KLHL42: variants seen among roughly 807,000 people sequenced by gnomAD.
KLHL42 encodes the protein kelch-like protein 42.
KLHL42 carries 27 observed loss-of-function variants against 32.7 expected under a neutral mutation model. The observed-to-expected ratio is 0.83, with a 90% CI of 0.61 to 1.14. KLHL42 has a LOEUF of 1.14. Ranked by LOEUF, KLHL42 falls within the 50% of genes most tolerant of loss-of-function variation. The probability of loss-of-function intolerance (pLI) is 0.00; values close to 1 mark genes in which losing one functional copy is unlikely to be tolerated. For missense variants in KLHL42, 491 were observed against 560.8 expected, an observed-to-expected ratio of 0.88 and a Z score of 1.26; for synonymous variants, 267 against 248.2, an observed-to-expected ratio of 1.08 and a Z score of -0.71.
chr12:27,794,259 A>G (rs2062209718), intron 2 of KLHL42, among the ~76,000 whole-genome samples: 1 of 152,128 alleles, frequency 6.6e-6, no homozygotes, highest in African/African-American at 2.4e-5. Flanking sequence ...TGAGGGCTCT[A>G]GGGGAGGAGT....
chr12:27,799,981 A>G lies in KLHL42; in HGVS notation c.*1815A>G. On this transcript the variant is annotated 3_prime_UTR_variant, in exon 3 of 3. Coordinates refer to ENST00000381271, the MANE Select transcript of KLHL42 (RefSeq NM_020782.2). ...ATAGTACTTAATAGATTTTAATGTT[A>G]ATTTATATTCATTGTAGAATTGAAT... 1.1e-6 allele frequency: 1 copy of G among 888,306 alleles called. No individual in the cohort carries two copies. Among genetic ancestry groups the G allele is most frequent in the South Asian group, 5.2e-5 (1 of 19,216 alleles). The allele number at this position is 888,306 out of a possible 1,614,324, so 55.0% of individuals were successfully genotyped here.
chr12:27,780,666 G>T lies in KLHL42; in HGVS notation c.336G>T (p.Leu112=). ...AGCTGGTGGAGGCGGCCTCCTTCCT[G>T]CAGGTCACGTCCCTGCTGCAGCTGC... The part of the protein sequence containing the change: ...LSELVEAASF[L]QVTSLLQLLL... Residue 112 remains leucine (L), a synonymous_variant, in exon 1 of 3, where the codon CTG becomes CTT. Transcript: ENST00000381271. This position sits in a 1 kb window ranked among gnomAD's most constrained non-coding sequence, Gnocchi z 8.8. The T allele has an allele frequency of 6.3e-7, 1 of 1,590,500 alleles. No homozygotes were observed. The highest frequency in any genetic ancestry group is 8.6e-7 in the Non-Finnish European group (1 of 1,166,432).
rs371189819 is a variant in KLHL42, at chr12:27,781,169, A to G, written c.839A>G (p.Glu280Gly). ...CATTCCTACAACCCCAGCACCAACG[A>G]GTGGCTCCAGGTGGCCTCCATGAAC... Reference protein sequence around the residue: ...AAHSYNPSTNEWLQVASMNQK... With the variant: ...AAHSYNPSTNGWLQVASMNQK... The change falls in exon 1 of 3, where the codon GAG becomes GGG. Residue 280 changes from glutamate (E) to glycine (G), a missense_variant. By Grantham distance (98) the Glu-to-Gly change is moderately conservative. Around this residue, in one of 4 missense-constraint regions of KLHL42, gnomAD observed 248 missense variants for 329.2 expected, o/e 0.75. Coordinates refer to ENST00000381271, the MANE Select transcript of KLHL42 (RefSeq NM_020782.2). 17 of 1,613,864 alleles carry G rather than the reference A, an allele frequency of 1.1e-5. No homozygotes were observed. The highest frequency in any genetic ancestry group is 1.4e-5 in the Non-Finnish European group (16 of 1,180,038).
chr12:27,786,599 G>C (rs1591814507), intron 1 of KLHL42, among the ~76,000 whole-genome samples: 1 of 152,086 alleles, frequency 6.6e-6, no homozygotes, highest in Non-Finnish European at 1.5e-5. Flanking sequence ...AGACTGCTTT[G>C]GGATGTATCA....
rs1420082959 is a variant in KLHL42, at chr12:27,781,055, A to G, written c.725A>G (p.Asn242Ser). ...AACAACCTTCCTCCCGACCTGGTCA[A>G]TGTCAGGGGCTATGGGTCTGCCATC... Reference protein sequence around the residue: ...LANNLPPDLVNVRGYGSAILD... With the variant: ...LANNLPPDLVSVRGYGSAILD... The change falls in exon 1 of 3, where the codon AAT (asparagine) becomes AGT (serine). Residue 242 changes from asparagine (N) to serine (S), a missense_variant. By Grantham distance (46) the Asn-to-Ser change is conservative. Coordinates refer to ENST00000381271, the MANE Select transcript of KLHL42 (RefSeq NM_020782.2). 1 of 1,614,052 alleles carries G rather than the reference A, an allele frequency of 6.2e-7. No homozygotes were observed.
At chr12:27,791,254 T>C (rs1213791713) in intron 1 of KLHL42, among the ~76,000 whole-genome samples, 1 of 152,140 alleles carries the variant, frequency 6.6e-6, no homozygotes, top group African/African-American at 2.4e-5. Context: ...CGCACCTGCC[T>C]GTCTCGACAG....
In KLHL42 at chr12:27,780,449, A is replaced by G; in HGVS notation, c.119A>G (p.Glu40Gly). The change falls in exon 1 of 3, where the codon GAG becomes GGG. Residue 40 changes from glutamate to glycine, a missense_variant. Transcript: ENST00000381271. This position sits in a 1 kb window ranked among gnomAD's most constrained non-coding sequence, Gnocchi z 8.8. The stretch of plus-strand genomic sequence containing the variant: ...GCCCTCTACCGCTCCGGCATGCGCG[A>G]GGCCCTGAGCCAGGAGGCCGGCGGC... ...FRALYRSGMR[E>G]ALSQEAGGPE... 2 of 1,547,504 alleles carry G rather than the reference A, an allele frequency of 1.3e-6. No individual in the cohort carries two copies. The highest frequency in any genetic ancestry group is 1.7e-6 in the Non-Finnish European group (2 of 1,147,610).
chr12:27,788,744 A>G (rs2062184027), intron 1 of KLHL42, among the ~76,000 whole-genome samples: 1 of 152,230 alleles, frequency 6.6e-6, no homozygotes, highest in Admixed American at 6.5e-5. Context: ...TGACCTTGAA[A>G]TTCAATTGTG....
intron 2 of KLHL42, among the ~76,000 whole-genome samples, chr12:27,793,523 CAG>C (rs36014748): frequency 0.15 from 22,815 of 147,912 alleles, 2,200 homozygotes; most frequent in Non-Finnish European, 0.22. Context: ...GGCTGGGTGA[CAG>C]AGTGAGACCC....
chr12:27,800,283 A>G lies in KLHL42; in HGVS notation c.*2117A>G. On this transcript the variant is annotated 3_prime_UTR_variant, in exon 3 of 3. Transcript: ENST00000381271. ...TGTTGACAATTAGATTCTTGGACCAAGTGAGGGTGTACTCTGATCCACAAA... is the reference window on the plus strand; with the variant it reads ...TGTTGACAATTAGATTCTTGGACCAGGTGAGGGTGTACTCTGATCCACAAA... 2.0e-6 allele frequency: 2 copies of G among 985,238 alleles called. No individual in the cohort carries two copies. Among genetic ancestry groups the G allele is most frequent in the Non-Finnish European group, 2.4e-6 (2 of 829,902 alleles). The allele number at this position is 985,238 out of a possible 1,614,324, so 61.0% of individuals were successfully genotyped here. A position where few individuals can be genotyped will look rare whatever the true frequency, so the allele number is the denominator to read the frequency against.
rs1416972589 is a variant in KLHL42 at position 27,797,939 on chromosome 12, C to T, written c.1291C>T (p.Leu431Phe). Residue 431 changes from leucine to phenylalanine, a missense_variant, in exon 3 of 3, where the codon CTC (leucine) becomes TTC (phenylalanine). Transcript: ENST00000381271. The stretch of plus-strand genomic sequence containing the variant: ...CACCGTCACCCGCCAGTGGCTCTAC[C>T]TCAAGGAGAACACGTCCAAATCGGG... Reference protein sequence around the residue: ...YNTVTRQWLYLKENTSKSGLN... With the variant: ...YNTVTRQWLYFKENTSKSGLN... The T allele has an allele frequency of 1.3e-6, 1 of 780,924 alleles. No homozygotes were observed. The highest frequency in any genetic ancestry group is 2.4e-6 in the Non-Finnish European group (1 of 418,134). The allele number at this position is 780,924 out of a possible 1,614,324, so 48.4% of individuals were successfully genotyped here.
intron 2 of KLHL42, among the ~76,000 whole-genome samples, chr12:27,796,109 G>A (rs1565484646): frequency 6.6e-6 from 1 of 152,238 alleles, no homozygotes; most frequent in Non-Finnish European, 1.5e-5. Context: ...AGGTATTAAT[G>A]TGGGTGGAAA....
rs1413663345 is a variant in KLHL42 at position 27,800,673 on chromosome 12, A to C, written c.*2507A>C. 6.6e-6 allele frequency: 1 copy of C among 151,600 alleles called. No homozygotes were observed. The highest frequency in any genetic ancestry group is 1.5e-5 in the Non-Finnish European group (1 of 68,690). 9.4% of individuals were successfully genotyped at this position (151,600 alleles called of 1,614,324 possible). A position where few individuals can be genotyped will look rare whatever the true frequency, so the allele number is the denominator to read the frequency against. The stretch of plus-strand genomic sequence containing the variant: ...CAGTGAGCCGAGATTGTGCCATTGC[A>C]CTCCAGCCTGGGCGACAGTGCAAGA... On this transcript the variant is annotated 3_prime_UTR_variant, in exon 3 of 3. Coordinates refer to ENST00000381271, the MANE Select transcript of KLHL42 (RefSeq NM_020782.2).
chr12:27,791,931 C>T (rs760552534), intron 2 of KLHL42, 30 bp downstream of exon 2: 24 of 1,600,236 alleles, frequency 1.5e-5, no homozygotes, highest in Non-Finnish European at 2.1e-5. Context: ...AGGTGGTCTG[C>T]CCATGTGTAG....
intron 1 of KLHL42, among the ~76,000 whole-genome samples, chr12:27,786,412 T>C (rs575583256): frequency 1.3e-5 from 2 of 152,224 alleles, no homozygotes; most frequent in South Asian, 4.2e-4. Flanking sequence ...AAGTTTAAAA[T>C]TGAGTTTAGG....
At position 27,780,867 on chromosome 12, in the gene KLHL42, C is replaced by T. The variant is rs1461999265; in HGVS notation, c.537C>T (p.Val179=). 5 of 1,613,690 alleles carry T rather than the reference C, an allele frequency of 3.1e-6. No homozygotes were observed. In the South Asian group the frequency reaches 4.4e-5, roughly 14 times the overall value. ...LGSPPQAPGD[V]SLKQRLREAR... ...CTCCTCCCCAAGCTCCAGGGGATGT[C>T]AGCCTGAAGCAGAGGCTGAGGGAGG... The change falls in exon 1 of 3, where the codon GTC becomes GTT. Residue 179 remains valine (V), a synonymous_variant. Coordinates refer to ENST00000381271, the MANE Select transcript of KLHL42 (RefSeq NM_020782.2). This position sits in a 1 kb window ranked among gnomAD's most constrained non-coding sequence, Gnocchi z 8.8.
At position 27,802,363 on chromosome 12, in the gene KLHL42, C is replaced by T. The variant is rs1050288; in HGVS notation, c.*4197C>T. The T allele has an allele frequency of 0.36, 54,874 of 152,058 alleles. 10,395 individuals carry two copies. The highest frequency in any genetic ancestry group is 0.65 in the East Asian group (3,377 of 5,164). 9.4% of individuals were successfully genotyped at this position (152,058 alleles called of 1,614,324 possible). On this transcript the variant is annotated 3_prime_UTR_variant, in exon 3 of 3. Transcript: ENST00000381271. Reference sequence around the variant, plus strand: ...TGCATTTATACCTATGCCTTTAAAACATTCCCATAAAAAGTATTAATAAAG... The same window carrying T: ...TGCATTTATACCTATGCCTTTAAAATATTCCCATAAAAAGTATTAATAAAG...
intron 1 of KLHL42, among the ~76,000 whole-genome samples, chr12:27,783,628 C>G (rs1254201577): frequency 1.3e-5 from 2 of 152,126 alleles, no homozygotes; most frequent in Non-Finnish European, 2.9e-5. Flanking sequence ...GTCGCCCAGG[C>G]TGGAGTGCAG....
intron 2 of KLHL42, 82 bp downstream of exon 2, chr12:27,791,983 C>T (rs931664699): frequency 1.1e-5 from 13 of 1,149,134 alleles, no homozygotes; most frequent in African/African-American, 3.1e-5. Context: ...TCAGAGGAAG[C>T]CCCGACATAT....
Sources: allele counts gnomAD v4.1 joint callset (sites outside exome capture counted in the v4.1 genomes callset), GRCh38; gene constraint gnomAD v4.1.1; regional missense constraint gnomAD v4.1.1; non-coding constraint Gnocchi (gnomAD v3.1); transcripts MANE v1.5; gene names NCBI Gene and HGNC (gene_info 2026-07-23, HGNC 2026-07-21).